HOMER1: variants seen among roughly 807,000 people sequenced by gnomAD.
HOMER1 encodes homer protein homolog 1.
HOMER1 carries 3 observed loss-of-function variants against 48.9 expected under a neutral mutation model. The ratio of observed to expected loss-of-function variants is 0.06; its 90% confidence interval spans 0.03 to 0.16. HOMER1 has a LOEUF of 0.16. Ranked by LOEUF, HOMER1 falls within the 10% of genes least tolerant of loss-of-function variation. The pLI is 1.00. For synonymous variants in HOMER1, 134 were observed against 146.4 expected, an observed-to-expected ratio of 0.92 and a Z score of 0.61; for missense variants, 247 against 411.4, an observed-to-expected ratio of 0.60 and a Z score of 3.46.
intron 1 of HOMER1, among the ~76,000 whole-genome samples, chr5:79,503,165 T>G (rs936344199): frequency 6.6e-6 from 1 of 152,216 alleles, no homozygotes; most frequent in South Asian, 2.1e-4. Flanking sequence ...ACGTAGTCAA[T>G]TAACACATTT....
chr5:79,453,790 T>C (rs1160595565), intron 2 of HOMER1, among the ~76,000 whole-genome samples: 1 of 152,036 alleles, frequency 6.6e-6, no homozygotes. Context: ...GAGTGCACAT[T>C]TTCTAGGCAG....
intron 1 of HOMER1, among the ~76,000 whole-genome samples, chr5:79,474,665 T>C (rs1751712966): frequency 6.6e-6 from 1 of 152,220 alleles, no homozygotes; most frequent in Non-Finnish European, 1.5e-5. Context: ...TGATCTCATC[T>C]CAGGTTCCTG....
chr5:79,413,611 G>A (rs1446011040), intron 5 of HOMER1, among the ~76,000 whole-genome samples: 1 of 148,468 alleles, frequency 6.7e-6, no homozygotes, highest in Non-Finnish European at 1.5e-5. Flanking sequence ...TACCTTCCCT[G>A]TATCTTCCTC....
Sources: gnomAD v4.1 joint callset for allele counts (sites outside exome capture counted in the v4.1 genomes callset) on GRCh38, gnomAD v4.1.1 for gene constraint, MANE v1.5 for transcripts, NCBI Gene and HGNC (gene_info 2026-07-23, HGNC 2026-07-21) for gene names.